Variants in CLSTN1 observed in about 807,000 individuals in gnomAD.
The protein encoded by CLSTN1 is calsyntenin-1.
In CLSTN1, 28 loss-of-function variants were observed where a neutral mutation model predicts 108.3. The observed-to-expected ratio is 0.26, with a 90% CI of 0.19 to 0.35. The LOEUF is 0.35. CLSTN1 is among the 10% of genes least tolerant of loss of function. The pLI is 1.00. For missense variants in CLSTN1, 1,157 were observed against 1,302.6 expected (o/e 0.89, Z 1.72); for synonymous variants, 524 against 534.9 (o/e 0.98, Z 0.28).
chr1:9,731,323 C>A lies in CLSTN1; in HGVS notation c.2631G>T (p.Leu877=). The A allele has an allele frequency of 6.2e-7, 1 of 1,614,268 alleles. No homozygotes were observed. Among genetic ancestry groups the A allele is most frequent in the South Asian group, 1.1e-5 (1 of 91,088 alleles). ...GTGCGGCCCGGATCCGAAATACCCC[C>A]AGGATAATCATGAACACCAGGAAGC... The part of the protein sequence containing the change: ...CVSFLVFMII[L]GVFRIRAAHR... The change falls in exon 18 of 19, where the codon CTG becomes CTT. Residue 877 remains leucine, a synonymous_variant. Transcript: ENST00000377298.
At chr1:9,820,996 G>C (rs1655170120) in intron 1 of CLSTN1, among the ~76,000 whole-genome samples, 1 of 152,116 alleles carries the variant, frequency 6.6e-6, no homozygotes, top group African/African-American at 2.4e-5. Context: ...TTACATGGTT[G>C]CATTTTTTAA....
At position 9,744,403 on chromosome 1, in the gene CLSTN1, T is replaced by C; in HGVS notation, c.1226A>G (p.Asp409Gly). 3 of 1,609,016 alleles carry C rather than the reference T, an allele frequency of 1.9e-6. No homozygotes were observed. Among genetic ancestry groups the C allele is most frequent in the Non-Finnish European group, 2.5e-6 (3 of 1,179,096 alleles). ...RKKETILCSS[D>G]KTDMNRHHYS... The stretch of plus-strand genomic sequence containing the variant: ...CAGAGCTATTACCCTACCTGTTTTA[T>C]CAGAACTGCAAAGAATTGTCTCCTT... Residue 409 changes from aspartate to glycine, a missense_variant, in exon 8 of 19, where the codon GAT (aspartate) becomes GGT (glycine). Physicochemically the swap from Asp to Gly is moderately conservative, Grantham distance 94. Coordinates refer to ENST00000377298, the MANE Select transcript of CLSTN1 (RefSeq NM_001009566.3).
chr1:9,754,595 C>T (rs1204194125), intron 4 of CLSTN1, among the ~76,000 whole-genome samples: 2 of 151,930 alleles, frequency 1.3e-5, no homozygotes, highest in African/African-American at 4.8e-5. Flanking sequence ...ACGGCTCACG[C>T]CTATAATCCC....
intron 1 of CLSTN1, among the ~76,000 whole-genome samples, chr1:9,790,721 A>G (rs1432809818): frequency 6.6e-6 from 1 of 151,432 alleles, no homozygotes; most frequent in Non-Finnish European, 1.5e-5. Flanking sequence ...TTTGCTGACC[A>G]CTGAGGCTAA....
At chr1:9,788,160 G>A (rs1653582863) in intron 1 of CLSTN1, among the ~76,000 whole-genome samples, 1 of 151,552 alleles carries the variant, frequency 6.6e-6, no homozygotes, top group African/African-American at 2.4e-5. Flanking sequence ...GGAGGGTGAG[G>A]TGGGAGGATC....
At chr1:9,795,665 G>A (rs530532998) in intron 1 of CLSTN1, among the ~76,000 whole-genome samples, 4 of 151,388 alleles carry the variant, frequency 2.6e-5, no homozygotes, top group African/African-American at 9.7e-5. Flanking sequence ...AGGAAATAAA[G>A]GACACTGGCT....
At chr1:9,819,173 A>G (rs538250294) in intron 1 of CLSTN1, among the ~76,000 whole-genome samples, 103 of 152,278 alleles carry the variant, frequency 6.8e-4, no homozygotes, top group African/African-American at 2.3e-3. Flanking sequence ...ACCAGAATAC[A>G]TAAGAAATAG....
chr1:9,787,578 T>G (rs964807337), intron 1 of CLSTN1, among the ~76,000 whole-genome samples: 1 of 150,946 alleles, frequency 6.6e-6, no homozygotes, highest in Non-Finnish European at 1.5e-5. Context: ...TAATTTTTTG[T>G]GTTTTTAGAG....
intron 1 of CLSTN1, among the ~76,000 whole-genome samples, chr1:9,779,634 C>G (rs1653149375): frequency 6.6e-6 from 1 of 152,084 alleles, no homozygotes; most frequent in African/African-American, 2.4e-5. Flanking sequence ...GCTATGTTGC[C>G]CACGCTGGTG....
chr1:9,731,446 G>T, intron 17 of CLSTN1, 56 bp from the exon 18 acceptor site: 1 of 1,564,772 alleles, frequency 6.4e-7, no homozygotes, highest in Non-Finnish European at 8.8e-7. Flanking sequence ...AGGCCACTGT[G>T]CCCTTGACCT....
chr1:9,804,086 G>T (rs1654400184), intron 1 of CLSTN1, among the ~76,000 whole-genome samples: 1 of 151,832 alleles, frequency 6.6e-6, no homozygotes, highest in Non-Finnish European at 1.5e-5. Context: ...CGAGGGGCCG[G>T]GTACGGTGGC....
intron 2 of CLSTN1, among the ~76,000 whole-genome samples, chr1:9,757,443 A>G (rs374033816): frequency 4.6e-5 from 7 of 151,664 alleles, no homozygotes; most frequent in African/African-American, 1.2e-4. Context: ...GGGTTTCACC[A>G]TGTTAGCCAG....
At position 9,823,820 on chromosome 1, in the gene CLSTN1, T is replaced by C. The variant is rs6686034; in HGVS notation, c.-87A>G. The C allele has an allele frequency of 1, 617,233 of 617,466 alleles. 308,502 individuals carry two copies. The highest frequency in any genetic ancestry group is 1 in the Middle Eastern group (1,294 of 1,294). The allele number at this position is 617,466 out of a possible 1,614,324, so 38.2% of individuals were successfully genotyped here. A position where few individuals can be genotyped will look rare whatever the true frequency, so the allele number is the denominator to read the frequency against. Reference sequence around the variant, plus strand: ...TCTCGGGGCTCTAGGGGCCTGGGGCTAGCTGCTCCGCGGCGCGGGGAGCTC... The same window carrying C: ...TCTCGGGGCTCTAGGGGCCTGGGGCCAGCTGCTCCGCGGCGCGGGGAGCTC... On this transcript the variant is annotated 5_prime_UTR_variant, in exon 1 of 19. Coordinates refer to ENST00000377298, the MANE Select transcript of CLSTN1 (RefSeq NM_001009566.3). The surrounding 1 kb of genome is among the most constrained non-coding windows in gnomAD (Gnocchi z 6.3).
intron 7 of CLSTN1, among the ~76,000 whole-genome samples, chr1:9,746,094 A>G (rs1225539116): frequency 2.0e-5 from 3 of 152,094 alleles, no homozygotes; most frequent in Admixed American, 6.6e-5. Flanking sequence ...GTACAGATAC[A>G]GCATCACCTA....
chr1:9,823,118 G>C lies in CLSTN1; in HGVS notation c.91+525C>G, dbSNP rs573698901. Among the ~76,000 whole-genome samples, 2 of 152,170 alleles carry C rather than the reference G, an allele frequency of 1.3e-5. No homozygotes were observed. Among genetic ancestry groups the C allele is most frequent in the African/African-American group, 4.8e-5 (2 of 41,446 alleles). ...GTCCGCGGTGCAGCAACACAGAATC[G>C]GGATCTTGGAAACGGGATGCGGAGG... On this transcript the variant is annotated intron_variant, in intron 1 of 18. Coordinates refer to ENST00000377298, the MANE Select transcript of CLSTN1 (RefSeq NM_001009566.3). The surrounding 1 kb of genome is among the most constrained non-coding windows in gnomAD (Gnocchi z 6.3).
chr1:9,799,712 G>A (rs1011001872), intron 1 of CLSTN1, among the ~76,000 whole-genome samples: 1 of 151,648 alleles, frequency 6.6e-6, no homozygotes, highest in African/African-American at 2.4e-5. Context: ...AGAGGCCGAG[G>A]CAGGCAGATC....
intron 1 of CLSTN1, among the ~76,000 whole-genome samples, chr1:9,789,273 T>C (rs1477349517): frequency 2.0e-5 from 3 of 151,398 alleles, no homozygotes; most frequent in South Asian, 2.2e-4. Flanking sequence ...CCGTTCTCCA[T>C]AGTGACTGCA....
At chr1:9,756,885 T>C (rs983638113) in intron 2 of CLSTN1, among the ~76,000 whole-genome samples, 2 of 151,772 alleles carry the variant, frequency 1.3e-5, no homozygotes, top group African/African-American at 4.8e-5. Context: ...GGTTCACCAT[T>C]CTCCTGCCTC....
chr1:9,751,025 A>AC (rs1651533622), intron 5 of CLSTN1, among the ~76,000 whole-genome samples: 1 of 151,880 alleles, frequency 6.6e-6, no homozygotes, highest in Admixed American at 6.6e-5. Flanking sequence ...AGATCGCACC[A>AC]CTGTACTCCA....
Sources: gnomAD v4.1 joint callset for allele counts (sites outside exome capture counted in the v4.1 genomes callset) on GRCh38, gnomAD v4.1.1 for gene constraint, Gnocchi (gnomAD v3.1) non-coding constraint, MANE v1.5 for transcripts, NCBI Gene and HGNC (gene_info 2026-07-23, HGNC 2026-07-21) for gene names.